AKAP9: variants seen among roughly 807,000 people sequenced by gnomAD.
AKAP9 encodes A-kinase anchoring protein 9, also known as A-kinase anchor protein 9.
In AKAP9, 311 loss-of-function variants were observed where a neutral mutation model predicts 488.5. The observed-to-expected ratio is 0.64, with a 90% CI of 0.58 to 0.70. The LOEUF is 0.70. AKAP9 is among the 30% of genes least tolerant of loss of function. The pLI is 0.00. For synonymous variants in AKAP9, 1,462 were observed against 1,483.5 expected, an observed-to-expected ratio of 0.99 and a Z score of 0.33; for missense variants, 4,215 against 4,374.5, an observed-to-expected ratio of 0.96 and a Z score of 1.03.
At chr7:92,105,846 G>C (rs904705914) in intron 47 of AKAP9, 83 bp downstream of exon 47, 1 of 1,266,714 alleles carries the variant, frequency 7.9e-7, no homozygotes, top group South Asian at 1.2e-5. Context: ...GACCATACTT[G>C]TCTGTGGCCT....
At chr7:91,996,282 C>T (rs942888786) in intron 7 of AKAP9, among the ~76,000 whole-genome samples, 3 of 151,894 alleles carry the variant, frequency 2.0e-5, no homozygotes, top group Non-Finnish European at 4.4e-5. Flanking sequence ...AATATGTGTC[C>T]GTGTATGGGT....
chr7:92,102,533 C>G, intron 45 of AKAP9, 61 bp from the exon 46 acceptor site: 1 of 1,442,560 alleles, frequency 6.9e-7, no homozygotes, highest in Non-Finnish European at 9.7e-7. Flanking sequence ...GTTATTTTCC[C>G]CTAGAGAGCA....
chr7:92,077,943 A>ATGT, intron 30 of AKAP9, 68 bp downstream of exon 30: 1 of 1,086,872 alleles, frequency 9.2e-7, no homozygotes, highest in Non-Finnish European at 1.3e-6. Context: ...AATGGTTATA[A>ATGT]TGTTGCTCCC....
intron 22 of AKAP9, among the ~76,000 whole-genome samples, chr7:92,058,717 A>G (rs1217909260): frequency 2.0e-5 from 3 of 152,040 alleles, no homozygotes; most frequent in Non-Finnish European, 4.4e-5. Context: ...GAATGGAATA[A>G]TTATTATATT....
intron 3 of AKAP9, among the ~76,000 whole-genome samples, chr7:91,982,273 T>G (rs1796528879): frequency 6.6e-6 from 1 of 152,100 alleles, no homozygotes; most frequent in African/African-American, 2.4e-5. Context: ...ACATGTTCCA[T>G]GCTGGTTTGC....
Position 91,994,750 on chromosome 7 carries a change from C to T in AKAP9, c.706C>T (p.Gln236Ter). The T allele has an allele frequency of 6.2e-7, 1 of 1,610,950 alleles. No individual in the cohort carries two copies. The highest frequency in any genetic ancestry group is 8.5e-7 in the Non-Finnish European group (1 of 1,178,904). Residue 236 changes from glutamine to a stop codon, truncating the protein, a stop_gained, in exon 6 of 50, where the codon CAA becomes TAA. Transcript: ENST00000356239. LOFTEE classifies it high-confidence loss of function. ...ATTTTTAGAGTTGACAGAACAGAGT[C>T]AAAAATTACAGATTCAATTTCAGCA... ...REFLELTEQS[Q>*]KLQIQFQQLQ...
At chr7:92,050,448 G>A (rs1341825443) in intron 21 of AKAP9, among the ~76,000 whole-genome samples, 4 of 152,068 alleles carry the variant, frequency 2.6e-5, no homozygotes, top group African/African-American at 9.7e-5. Flanking sequence ...CTTTGGTACT[G>A]CAGGAATAGA....
chr7:92,016,528 C>T (rs1049381771), intron 11 of AKAP9, among the ~76,000 whole-genome samples: 5 of 151,994 alleles, frequency 3.3e-5, no homozygotes, highest in Non-Finnish European at 5.9e-5. Flanking sequence ...TTTTCCTTAT[C>T]CTAATTCTTT....
chr7:92,002,797 T>C lies in AKAP9; in HGVS notation c.2880T>C (p.Ser960=). 1 of 1,613,738 alleles carries C rather than the reference T, an allele frequency of 6.2e-7. No individual in the cohort carries two copies. Among genetic ancestry groups the C allele is most frequent in the African/African-American group, 1.3e-5 (1 of 75,038 alleles). Residue 960 remains serine, a synonymous_variant, in exon 8 of 50, where the codon TCT becomes TCC. Transcript: ENST00000356239. ...AATTAGAGCTGTCACAGAGACTGTC[T>C]GATCTTTCTGAACAATTGAAACAGA... ...REKLELSQRL[S]DLSEQLKQKH...
intron 21 of AKAP9, among the ~76,000 whole-genome samples, chr7:92,048,628 T>C (rs557839218): frequency 3.3e-5 from 5 of 152,170 alleles, no homozygotes; most frequent in Admixed American, 2.6e-4. Context: ...TGCTAGGGGC[T>C]GAGAGTCATG....
chr7:92,056,240 A>G (rs1401039678), intron 22 of AKAP9, among the ~76,000 whole-genome samples: 1 of 151,884 alleles, frequency 6.6e-6, no homozygotes, highest in East Asian at 1.9e-4. Context: ...ACTGTTTATA[A>G]AGGGTTGTTT....
chr7:91,998,418 CTTTTTTTTTTTTTTTTT>C (rs60778133), intron 7 of AKAP9, among the ~76,000 whole-genome samples: 70 of 53,990 alleles, frequency 1.3e-3, no homozygotes, highest in Middle Eastern at 0.016. Flanking sequence ...CCACAGGGCT[CTTTTTTTTTTTTTTTTT>C]TTTTTTTTTT....
chr7:92,014,973 C>T (rs1801309784), intron 10 of AKAP9, among the ~76,000 whole-genome samples: 1 of 152,110 alleles, frequency 6.6e-6, no homozygotes. Context: ...CTTTCTGGGT[C>T]CCAGTTTCTT....
intron 22 of AKAP9, among the ~76,000 whole-genome samples, chr7:92,059,974 T>C (rs1414075597): frequency 6.6e-6 from 1 of 151,914 alleles, no homozygotes; most frequent in East Asian, 1.9e-4. Flanking sequence ...TTATGAGTCT[T>C]ATACGTGTAT....
chr7:91,987,944 G>T (rs1018672373), intron 3 of AKAP9, among the ~76,000 whole-genome samples: 6 of 152,048 alleles, frequency 3.9e-5, no homozygotes, highest in African/African-American at 1.4e-4. Context: ...GGCCAAGGTG[G>T]GAAGATCACT....
rs900564352 is a variant in AKAP9, at chr7:91,992,321, A to G, written c.405+110A>G. 3 of 846,878 alleles carry G rather than the reference A, an allele frequency of 3.5e-6. No homozygotes were observed. In the African/African-American group the frequency reaches 5.0e-5, roughly 14 times the overall value. 52.5% of individuals were successfully genotyped at this position (846,878 alleles called of 1,614,324 possible). The stretch of plus-strand genomic sequence containing the variant: ...GTACTTCTTTCTGTGTGTGATTTCA[A>G]ATTAATTTTAATGTTTACTAAAACA... On this transcript the variant is annotated intron_variant, in intron 4 of 49. Coordinates refer to ENST00000356239, the MANE Select transcript of AKAP9 (RefSeq NM_005751.5).
chr7:91,957,328 G>A (rs546635679), intron 1 of AKAP9, among the ~76,000 whole-genome samples: 11 of 152,170 alleles, frequency 7.2e-5, no homozygotes, highest in Middle Eastern at 3.5e-3. Flanking sequence ...GTACATTAAC[G>A]TCCAAACATT....
intron 22 of AKAP9, among the ~76,000 whole-genome samples, chr7:92,054,313 G>T (rs1373967736): frequency 6.6e-6 from 1 of 151,652 alleles, no homozygotes; most frequent in Admixed American, 6.6e-5. Context: ...GTCATTATTT[G>T]GTTCTACTTT....
chr7:92,062,150 CTT>C, intron 23 of AKAP9, 122 bp from the exon 24 acceptor site: 1 of 844,022 alleles, frequency 1.2e-6, no homozygotes, highest in Non-Finnish European at 1.9e-6. Context: ...TCATTCAAGA[CTT>C]TTAATAGGTT....
Sources: gnomAD v4.1 joint callset for allele counts (sites outside exome capture counted in the v4.1 genomes callset) on GRCh38, gnomAD v4.1.1 for gene constraint, MANE v1.5 for transcripts, NCBI Gene and HGNC (gene_info 2026-07-23, HGNC 2026-07-21) for gene names.